The following ZBTB46 variants were observed in gnomAD, a reference collection of about 807,000 sequenced individuals.
ZBTB46 encodes the protein zinc finger and BTB domain-containing protein 46.
Under a neutral mutation model 44.1 loss-of-function variants are expected in ZBTB46, and 8 were observed. The observed-to-expected ratio is 0.18, with a 90% confidence interval of 0.11 to 0.33. The LOEUF is 0.33. Ranked by LOEUF, ZBTB46 falls within the 10% of genes least tolerant of loss-of-function variation. ZBTB46 has a pLI of 1.00. For synonymous variants in ZBTB46, 409 were observed against 382.3 expected (o/e 1.07, Z -0.81); for missense variants, 651 against 847.7 (o/e 0.77, Z 2.88).
At chr20:63,747,539 G>GGGCGGGGCA (rs2092115008) in intron 4 of ZBTB46, among the ~76,000 whole-genome samples, 3 of 128,710 alleles carry the variant, frequency 2.3e-5, no homozygotes, top group African/African-American at 9.1e-5. Flanking sequence ...TGGTGGGTGG[G>GGGCGGGGCA]GGGGGTGCGG....
At chr20:63,754,818 C>A (rs1275609887) in intron 3 of ZBTB46, among the ~76,000 whole-genome samples, 2 of 151,478 alleles carry the variant, frequency 1.3e-5, no homozygotes, top group African/African-American at 2.4e-5. Context: ...CCAGGATGGT[C>A]TCGATCTCCT....
At chr20:63,783,916 A>C (rs2092491135) in intron 2 of ZBTB46, among the ~76,000 whole-genome samples, 1 of 152,218 alleles carries the variant, frequency 6.6e-6, no homozygotes, top group African/African-American at 2.4e-5. Flanking sequence ...CAGGAGGCGA[A>C]ACATTGTTCA....
At chr20:63,797,131 A>G (rs933077009) in intron 1 of ZBTB46, among the ~76,000 whole-genome samples, 3 of 150,562 alleles carry the variant, frequency 2.0e-5, no homozygotes, top group Admixed American at 6.6e-5. Context: ...TACATTAGGT[A>G]TATCTCCTAA....
chr20:63,785,824 A>C (rs1398370410), intron 2 of ZBTB46, among the ~76,000 whole-genome samples: 1 of 152,188 alleles, frequency 6.6e-6, no homozygotes, highest in East Asian at 1.9e-4. Flanking sequence ...CATCTTAGCA[A>C]CTCGGAATAA....
In ZBTB46 at chr20:63,811,138, G is replaced by A. The variant is rs569784427; in HGVS notation, c.-34+19959C>T. Among the ~76,000 whole-genome samples, 148 of 149,188 alleles carry A rather than the reference G, an allele frequency of 9.9e-4. 1 individual carries two copies. The highest frequency in any genetic ancestry group is 1.7e-3 in the Non-Finnish European group (113 of 67,322). On this transcript the variant is annotated intron_variant, in intron 1 of 4. Coordinates refer to ENST00000245663, the MANE Select transcript of ZBTB46 (RefSeq NM_001369741.1). Reference sequence around the variant, plus strand: ...TGAGCCCCACCCCGCCCAGCCCACAGAGGCGAGTCTGGGTCCCAGAACCCC... The same window carrying A: ...TGAGCCCCACCCCGCCCAGCCCACAAAGGCGAGTCTGGGTCCCAGAACCCC...
chr20:63,778,662 G>A (rs1301767964), intron 2 of ZBTB46, among the ~76,000 whole-genome samples: 1 of 152,146 alleles, frequency 6.6e-6, no homozygotes, highest in South Asian at 2.1e-4. Context: ...TCGGACCGTC[G>A]AGCTACCTAT....
Position 63,803,614 on chromosome 20 carries a change from C to G in ZBTB46, c.-33-12824G>C. ...CGGAGGCCCTGCCAGCCCCGCCCCT[C>G]CCTGCCCACTGGCCCCTTTCAGTTC... On this transcript the variant is annotated intron_variant, in intron 1 of 4. Transcript: ENST00000245663. This position sits in a 1 kb window ranked among gnomAD's most constrained non-coding sequence, Gnocchi z 4.0. 1.3e-6 allele frequency: 1 copy of G among 741,126 alleles called. No individual in the cohort carries two copies. Among genetic ancestry groups the G allele is most frequent in the Non-Finnish European group, 1.6e-6 (1 of 607,024 alleles). The allele number at this position is 741,126 out of a possible 1,614,324, so 45.9% of individuals were successfully genotyped here.
intron 1 of ZBTB46, among the ~76,000 whole-genome samples, chr20:63,820,659 C>G (rs1316344169): frequency 6.6e-6 from 1 of 151,690 alleles, no homozygotes; most frequent in East Asian, 2.0e-4. Flanking sequence ...CTCGAACTCC[C>G]GACCTCAGGT....
At chr20:63,820,290 G>A (rs147253170) in intron 1 of ZBTB46, among the ~76,000 whole-genome samples, 2,115 of 151,890 alleles carry the variant, frequency 0.014, 19 homozygotes, top group Non-Finnish European at 0.021. Context: ...TAATAGAGAC[G>A]GGGTTCCACT....
At chr20:63,782,938 G>A (rs1018273942) in intron 2 of ZBTB46, among the ~76,000 whole-genome samples, 9 of 150,514 alleles carry the variant, frequency 6.0e-5, no homozygotes, top group South Asian at 4.2e-4. Context: ...CCCGTCTCCC[G>A]TCATAGTGAG....
At chr20:63,762,735 T>G (rs1198399339) in intron 3 of ZBTB46, among the ~76,000 whole-genome samples, 1 of 152,204 alleles carries the variant, frequency 6.6e-6, no homozygotes, top group Non-Finnish European at 1.5e-5. Context: ...TTATATTTAC[T>G]ACTGAATTGA....
chr20:63,823,889 T>TGTGTGTGTGTGTGTGTGTGTGTGTGTGTG (rs1568910610), intron 1 of ZBTB46, among the ~76,000 whole-genome samples: 4 of 150,652 alleles, frequency 2.7e-5, no homozygotes, highest in Non-Finnish European at 4.4e-5. Flanking sequence ...TGTGTGTGTG[T>TGTGTGTGTGTGTGTGTGTGTGTGTGTGTG]TCTTTGGGAC....
intron 1 of ZBTB46, among the ~76,000 whole-genome samples, chr20:63,814,421 T>C (rs2092736374): frequency 6.6e-6 from 1 of 152,194 alleles, no homozygotes; most frequent in Non-Finnish European, 1.5e-5. Context: ...AATTAGGTTT[T>C]AAAATAATAA....
At chr20:63,806,772 C>A (rs1227683560) in intron 1 of ZBTB46, among the ~76,000 whole-genome samples, 1 of 151,814 alleles carries the variant, frequency 6.6e-6, no homozygotes, top group Non-Finnish European at 1.5e-5. Flanking sequence ...CCACGCCCAG[C>A]TAATTGTTTT....
chr20:63,814,151 T>C (rs1199563595), intron 1 of ZBTB46, among the ~76,000 whole-genome samples: 3 of 146,744 alleles, frequency 2.0e-5, no homozygotes, highest in African/African-American at 7.6e-5. Context: ...GAGAATGGCA[T>C]GAACCCGGGA....
At chr20:63,778,263 G>A (rs757291666) in intron 2 of ZBTB46, among the ~76,000 whole-genome samples, 2 of 152,146 alleles carry the variant, frequency 1.3e-5, no homozygotes, top group Non-Finnish European at 2.9e-5. Context: ...TGAATTCAAC[G>A]GATTCCTCCG....
chr20:63,782,714 G>A (rs1349514529), intron 2 of ZBTB46, among the ~76,000 whole-genome samples: 1 of 152,190 alleles, frequency 6.6e-6, no homozygotes, highest in Non-Finnish European at 1.5e-5. Context: ...CACAGGTGAG[G>A]AGCAGTGTTG....
intron 2 of ZBTB46, among the ~76,000 whole-genome samples, chr20:63,789,042 C>T (rs2092538621): frequency 6.6e-6 from 1 of 151,326 alleles, no homozygotes; most frequent in Non-Finnish European, 1.5e-5. Flanking sequence ...GTCTTGAACT[C>T]CCGACCTCAG....
Position 63,763,966 on chromosome 20 carries a change from CT to C in ZBTB46, c.1223-11106del, listed in dbSNP as rs1241700270. 7.2e-5 allele frequency among the ~76,000 whole-genome samples: 11 copies of C among 151,960 alleles called. No homozygotes were observed. The East Asian group carries it at 1.4e-3, about 19-fold the overall frequency. On this transcript the variant is annotated intron_variant, in intron 3 of 4. Transcript: ENST00000245663. ...TGCCTTATCTGGTGCTTTCTTTTTTCTTTTTCTTTTTTTTTTAAATAAGAGA... is the reference window on the plus strand; with the variant it reads ...TGCCTTATCTGGTGCTTTCTTTTTTCTTTTCTTTTTTTTTTAAATAAGAGA...
Sources: gnomAD v4.1 joint callset for allele counts (sites outside exome capture counted in the v4.1 genomes callset) on GRCh38, gnomAD v4.1.1 for gene constraint, Gnocchi (gnomAD v3.1) non-coding constraint, MANE v1.5 for transcripts, NCBI Gene and HGNC (gene_info 2026-07-23, HGNC 2026-07-21) for gene names.